Variants in ADSL observed in about 807,000 individuals in gnomAD.
ADSL encodes the protein adenylosuccinate lyase.
In ADSL, 44 loss-of-function variants were observed where a neutral mutation model predicts 62.1. The observed-to-expected ratio is 0.71, with a 90% CI of 0.56 to 0.91. The LOEUF (loss-of-function observed/expected upper bound fraction) is 0.91, where lower values mean the gene tolerates loss of function less well. Among genes scored for constraint, ADSL ranks in the 40% least tolerant of loss-of-function variants. ADSL has a pLI of 0.00. For synonymous variants in ADSL, 198 were observed against 220.5 expected (o/e 0.90, Z 0.90); for missense variants, 531 against 627.4 (o/e 0.85, Z 1.64).
At chr22:40,362,779 A>G (rs972341490) in intron 9 of ADSL, among the ~76,000 whole-genome samples, 1 of 152,168 alleles carries the variant, frequency 6.6e-6, no homozygotes, top group South Asian at 2.1e-4. Context: ...CGTCTCACTC[A>G]GTAGGTATGA....
At chr22:40,366,405 C>G in intron 12 of ADSL, 31 bp from the exon 13 acceptor site, 2 of 1,489,962 alleles carry the variant, frequency 1.3e-6, no homozygotes, top group Non-Finnish European at 1.9e-6. Flanking sequence ...TTAACATTTT[C>G]TTTTGTCTTG....
chr22:40,361,692 C>T, intron 9 of ADSL, 57 bp downstream of exon 9: 1 of 1,593,600 alleles, frequency 6.3e-7, no homozygotes. Flanking sequence ...GAAGGAGGGA[C>T]CTAGAAGTAA....
chr22:40,350,303 T>G (rs954277638), intron 2 of ADSL: 1 of 403,680 alleles, frequency 2.5e-6, no homozygotes, highest in Non-Finnish European at 4.6e-6. Flanking sequence ...TTTTTGTATT[T>G]TTTTAGTAGA....
chr22:40,379,671 T>G (rs2047237903), intron 2 of ADSL, among the ~76,000 whole-genome samples: 1 of 152,120 alleles, frequency 6.6e-6, no homozygotes, highest in Non-Finnish European at 1.5e-5. Flanking sequence ...CAACCTGTAG[T>G]TATCTCTTTA....
chr22:40,377,372 G>A (rs570369657), intron 2 of ADSL, among the ~76,000 whole-genome samples: 3 of 152,354 alleles, frequency 2.0e-5, no homozygotes, highest in African/African-American at 7.2e-5. Flanking sequence ...CACTAGAGCT[G>A]CTGTTGTTTT....
intron 2 of ADSL, among the ~76,000 whole-genome samples, chr22:40,385,049 G>C (rs2048204080): frequency 6.6e-6 from 1 of 152,162 alleles, no homozygotes; most frequent in Non-Finnish European, 1.5e-5. Context: ...CAGTTAAATA[G>C]AGAAGAAAAA....
chr22:40,380,363 AAT>A (rs1491409747), intron 2 of ADSL, among the ~76,000 whole-genome samples: 118 of 141,010 alleles, frequency 8.4e-4, no homozygotes, highest in African/African-American at 3.1e-3. Context: ...GAATATCTAT[AAT>A]TTTTTTTTTT....
At chr22:40,363,881 A>G (rs944621769) in intron 10 of ADSL, among the ~76,000 whole-genome samples, 1 of 152,158 alleles carries the variant, frequency 6.6e-6, no homozygotes, top group Non-Finnish European at 1.5e-5. Flanking sequence ...GATCAAGACC[A>G]TCCTGGCTAA....
chr22:40,370,354 CAAAA>C (rs11328048), downstream of ADSL, among the ~76,000 whole-genome samples: 10 of 86,396 alleles, frequency 1.2e-4, no homozygotes, highest in African/African-American at 3.6e-4. Flanking sequence ...GACTCCATCT[CAAAA>C]AAAAAAAAAA....
At chr22:40,362,892 C>T in intron 9 of ADSL, 89 bp from the exon 10 acceptor site, 1 of 1,179,380 alleles carries the variant, frequency 8.5e-7, no homozygotes, top group Non-Finnish European at 1.3e-6. Flanking sequence ...CCAGAGAGTA[C>T]AGTCAGTAGG....
chr22:40,352,801 C>T (rs1161060945), intron 2 of ADSL, among the ~76,000 whole-genome samples: 1 of 152,192 alleles, frequency 6.6e-6, no homozygotes, highest in Non-Finnish European at 1.5e-5. Flanking sequence ...GCCCAACCTT[C>T]AGTCATCTTA....
In ADSL at chr22:40,366,371, G is replaced by A. The variant is rs549287562; in HGVS notation, c.1369-65G>A. The A allele has an allele frequency of 2.5e-6, 3 of 1,216,194 alleles. No individual in the cohort carries two copies. In the South Asian group the frequency reaches 3.7e-5, roughly 15 times the overall value. The allele number at this position is 1,216,194 out of a possible 1,614,324, so 75.3% of individuals were successfully genotyped here. ...GTTTCAGTGGTATCCCCTGACATTGGAAAAGGTATTATCTGCTAATATCTT... is the reference window on the plus strand; with the variant it reads ...GTTTCAGTGGTATCCCCTGACATTGAAAAAGGTATTATCTGCTAATATCTT... On this transcript the variant is annotated intron_variant, in intron 12 of 12. Transcript: ENST00000623063.
At chr22:40,346,821 A>G (rs1032296637) in intron 1 of ADSL, 110 bp downstream of exon 1, 31 of 1,208,814 alleles carry the variant, frequency 2.6e-5, no homozygotes, top group African/African-American at 6.0e-5. Context: ...CGGCCCGGCT[A>G]TTTTCAGCTG....
intron 2 of ADSL, among the ~76,000 whole-genome samples, chr22:40,385,385 A>G (rs2048252028): frequency 6.6e-6 from 1 of 152,204 alleles, no homozygotes; most frequent in Non-Finnish European, 1.5e-5. Flanking sequence ...TTCAGGGTTC[A>G]GGAGATCTAA....
In ADSL at chr22:40,366,345, G is replaced by T. The variant is rs530986590; in HGVS notation, c.1369-91G>T. 1.5e-5 allele frequency: 14 copies of T among 906,282 alleles called. No homozygotes were observed. In the East Asian group the frequency reaches 3.6e-4, roughly 23 times the overall value. The allele number at this position is 906,282 out of a possible 1,614,324, so 56.1% of individuals were successfully genotyped here. A position where few individuals can be genotyped will look rare whatever the true frequency, so the allele number is the denominator to read the frequency against. On this transcript the variant is annotated intron_variant, in intron 12 of 12. Transcript: ENST00000623063. ...TTGGAGTAAAAGCTTCATCAAATTA[G>T]GTTTCAGTGGTATCCCCTGACATTG...
rs776328750 is a variant in ADSL, at chr22:40,361,488, G to T, written c.863G>T (p.Gly288Val). ...MEEPFEKQQIGSSAMPYKRNP... is the reference protein window; with the variant it reads ...MEEPFEKQQIVSSAMPYKRNP... Reference sequence around the variant, plus strand: ...TCTTGTCCTTTTTTTACATGGGCAGGCTCAAGTGCGATGCCATATAAGCGG... The same window carrying T: ...TCTTGTCCTTTTTTTACATGGGCAGTCTCAAGTGCGATGCCATATAAGCGG... The change falls in exon 9 of 13, where the codon GGC becomes GTC. Residue 288 changes from glycine to valine, a missense_variant and splice_region_variant. Transcript: ENST00000623063. 6.2e-7 allele frequency: 1 copy of T among 1,614,170 alleles called. No individual in the cohort carries two copies. The highest frequency in any genetic ancestry group is 1.1e-5 in the South Asian group (1 of 91,088).
intron 2 of ADSL, among the ~76,000 whole-genome samples, chr22:40,386,562 CTTTTTTTTTTTTTT>C (rs60319316): frequency 2.9e-5 from 2 of 68,366 alleles, no homozygotes; most frequent in South Asian, 6.8e-4. Context: ...AATTTTCTTA[CTTTTTTTTTTTTTT>C]TTTTTTTTTT....
At chr22:40,354,428 C>T (rs1040501116) in intron 4 of ADSL, 101 bp downstream of exon 4, 5 of 950,710 alleles carry the variant, frequency 5.3e-6, no homozygotes, top group Admixed American at 5.1e-5. Context: ...AATCTGAAAA[C>T]ATGATTTAAA....
intron 2 of ADSL, among the ~76,000 whole-genome samples, chr22:40,351,715 C>T (rs1286767709): frequency 6.6e-6 from 1 of 152,050 alleles, no homozygotes; most frequent in Non-Finnish European, 1.5e-5. Flanking sequence ...CAAATGCTTT[C>T]TTATTTTTTT....
Sources: gnomAD v4.1 joint callset for allele counts (sites outside exome capture counted in the v4.1 genomes callset) on GRCh38, gnomAD v4.1.1 for gene constraint, MANE v1.5 for transcripts, NCBI Gene and HGNC (gene_info 2026-07-23, HGNC 2026-07-21) for gene names.